Variants in SLC39A12 observed in about 807,000 individuals in gnomAD.
SLC39A12 encodes solute carrier family 39 member 12, also known as zinc transporter ZIP12.
A neutral mutation model predicts 71.1 loss-of-function variants in SLC39A12; 63 were observed. That is an observed-to-expected ratio of 0.89 (90% CI 0.72 to 1.09). SLC39A12 has a LOEUF of 1.09. Among genes scored for constraint, SLC39A12 ranks in the 50% least tolerant of loss-of-function variants. The pLI, the probability that SLC39A12 is intolerant of heterozygous loss-of-function variation, is 0.00. For synonymous variants in SLC39A12, 351 were observed against 301.3 expected, an observed-to-expected ratio of 1.16 and a Z score of -1.71; for missense variants, 892 against 812.6, an observed-to-expected ratio of 1.10 and a Z score of -1.19.
rs146209662 is a variant in SLC39A12 at position 17,983,579 on chromosome 10, C to T, written c.1096+2096C>T. ...TGGGCAGCTCACGAGGTCAGGAGTT[C>T]GAGACCAGCCTGGCCAACATGGTAA... is the stretch of plus-strand genomic sequence containing the variant. On this transcript the variant is annotated intron_variant, in intron 6 of 12. Transcript: ENST00000377369. 5.9e-3 allele frequency among the ~76,000 whole-genome samples: 900 copies of T among 152,130 alleles called. 8 individuals carry two copies. The highest frequency in any genetic ancestry group is 0.021 in the African/African-American group (852 of 41,502).
At chr10:17,975,150 C>T (rs927181508) in intron 4 of SLC39A12, among the ~76,000 whole-genome samples, 1 of 152,116 alleles carries the variant, frequency 6.6e-6, no homozygotes, top group African/African-American at 2.4e-5. Flanking sequence ...TAGGACTCAC[C>T]CTTCAGGTCA....
chr10:17,991,602 C>A (rs923924276), intron 8 of SLC39A12, among the ~76,000 whole-genome samples: 1 of 152,136 alleles, frequency 6.6e-6, no homozygotes, highest in African/African-American at 2.4e-5. Context: ...TACTAATCAG[C>A]GTTTTGGATA....
At chr10:18,001,440 G>T (rs1835831516) in intron 11 of SLC39A12, among the ~76,000 whole-genome samples, 1 of 152,192 alleles carries the variant, frequency 6.6e-6, no homozygotes, top group Non-Finnish European at 1.5e-5. Flanking sequence ...CTTGAACCCA[G>T]GAGGTGGAGG....
chr10:18,016,555 A>T (rs1315039085), intron 12 of SLC39A12, among the ~76,000 whole-genome samples: 3 of 152,184 alleles, frequency 2.0e-5, no homozygotes, highest in Non-Finnish European at 4.4e-5. Flanking sequence ...CTGTTGAGGA[A>T]ATGCCAAGAA....
At position 17,965,652 on chromosome 10, in the gene SLC39A12, T is replaced by C. The variant is rs143175693; in HGVS notation, c.713T>C (p.Phe238Ser). ...CCAGACTACTTTACAGAATATATTTTCAGTTCCTTGAATCGTACGAATACC... is the reference window on the plus strand; with the variant it reads ...CCAGACTACTTTACAGAATATATTTCCAGTTCCTTGAATCGTACGAATACC... ...PSPDYFTEYI[F>S]SSLNRTNTLR... Residue 238 changes from phenylalanine (F) to serine (S), a missense_variant, in exon 4 of 13, where the codon TTC becomes TCC. Phe to Ser is a radical substitution (Grantham distance 155). Coordinates refer to ENST00000377369, the MANE Select transcript of SLC39A12 (RefSeq NM_001145195.2). 40 of 1,614,030 alleles carry C rather than the reference T, an allele frequency of 2.5e-5. No individual in the cohort carries two copies. The highest frequency in any genetic ancestry group is 3.3e-5 in the Non-Finnish European group (39 of 1,180,026).
At chr10:18,014,281 C>T in intron 12 of SLC39A12, among the ~76,000 whole-genome samples, 1 of 151,912 alleles carries the variant, frequency 6.6e-6, no homozygotes, top group East Asian at 1.9e-4. Flanking sequence ...ATAAATGCAA[C>T]TAATTTTGTG....
At chr10:18,034,719 G>T (rs1246719089) in intron 12 of SLC39A12, among the ~76,000 whole-genome samples, 1 of 151,644 alleles carries the variant, frequency 6.6e-6, no homozygotes, top group Non-Finnish European at 1.5e-5. Context: ...TTGCTTGTCA[G>T]TTGATGCAGT....
intron 12 of SLC39A12, among the ~76,000 whole-genome samples, chr10:18,023,694 T>A (rs191444243): frequency 1.5e-4 from 23 of 152,258 alleles, no homozygotes; most frequent in Middle Eastern, 3.4e-3. Flanking sequence ...GTCAGCAAAG[T>A]GATCAGGGTC....
At chr10:17,972,202 T>C (rs1022644010) in intron 4 of SLC39A12, among the ~76,000 whole-genome samples, 1 of 152,352 alleles carries the variant, frequency 6.6e-6, no homozygotes, top group East Asian at 1.9e-4. Context: ...AGATGCTTGA[T>C]GTTATTTCAA....
At chr10:18,041,533 T>TAC (rs1331897777) in intron 12 of SLC39A12, among the ~76,000 whole-genome samples, 1 of 69,874 alleles carries the variant, frequency 1.4e-5, no homozygotes, top group African/African-American at 7.5e-5. Context: ...TATGTATATA[T>TAC]ATACACACAC....
intron 11 of SLC39A12, among the ~76,000 whole-genome samples, chr10:18,001,139 G>T (rs1835822191): frequency 6.6e-6 from 1 of 152,156 alleles, no homozygotes; most frequent in Non-Finnish European, 1.5e-5. Flanking sequence ...TTTAAAATCT[G>T]CATATTAAAT....
chr10:18,035,901 C>T (rs1193705494), intron 12 of SLC39A12, among the ~76,000 whole-genome samples: 1 of 152,032 alleles, frequency 6.6e-6, no homozygotes, highest in Non-Finnish European at 1.5e-5. Flanking sequence ...GTTGGAATAC[C>T]CTGCCGTGTG....
Position 18,040,091 on chromosome 10 carries a change from T to C in SLC39A12, c.1948-2614T>C, listed in dbSNP as rs564441795. Among the ~76,000 whole-genome samples the C allele has an allele frequency of 2.6e-5, 4 of 152,322 alleles. No individual in the cohort carries two copies. The South Asian group carries it at 8.3e-4, about 32-fold the overall frequency. On this transcript the variant is annotated intron_variant, in intron 12 of 12. Transcript: ENST00000377369. ...TGTAATTTAAAACATATACGTAATA[T>C]ATAAAACATGAAATCAGATGTTTCA...
At chr10:17,964,433 G>A (rs116499486) in intron 3 of SLC39A12, among the ~76,000 whole-genome samples, 2,080 of 152,204 alleles carry the variant, frequency 0.014, 37 homozygotes, top group African/African-American at 0.044. Context: ...ATGCAACCTT[G>A]ACACGATAAC....
Position 17,965,666 on chromosome 10 carries a change from C to G in SLC39A12, c.727C>G (p.Arg243Gly). 2 of 1,613,828 alleles carry G rather than the reference C, an allele frequency of 1.2e-6. No homozygotes were observed. The highest frequency in any genetic ancestry group is 1.7e-6 in the Non-Finnish European group (2 of 1,179,782). Reference protein sequence around the residue: ...FTEYIFSSLNRTNTLRLSELD... With the variant: ...FTEYIFSSLNGTNTLRLSELD... ...AGAATATATTTTCAGTTCCTTGAAT[C>G]GTACGAATACCCTCCGCCTATCAGG... Residue 243 changes from arginine (R) to glycine (G), a missense_variant, in exon 4 of 13, where the codon CGT becomes GGT. By Grantham distance (125) the Arg-to-Gly change is moderately radical. Coordinates refer to ENST00000377369, the MANE Select transcript of SLC39A12 (RefSeq NM_001145195.2).
intron 12 of SLC39A12, among the ~76,000 whole-genome samples, chr10:18,024,088 T>C (rs1003011380): frequency 2.0e-5 from 3 of 152,082 alleles, no homozygotes; most frequent in Non-Finnish European, 4.4e-5. Flanking sequence ...GCAGAGTGGC[T>C]ACTGGCCCTA....
At chr10:17,953,579 A>G in intron 2 of SLC39A12, 42 bp downstream of exon 2, 1 of 1,597,244 alleles carries the variant, frequency 6.3e-7, no homozygotes, top group South Asian at 1.1e-5. Context: ...GGCATGTCCA[A>G]AAGAAAGCAA....
At chr10:18,013,373 A>ATTATTATTG (rs1041367578) in intron 12 of SLC39A12, among the ~76,000 whole-genome samples, 1 of 145,892 alleles carries the variant, frequency 6.9e-6, no homozygotes, top group Non-Finnish European at 1.5e-5. Flanking sequence ...TATTATTATT[A>ATTATTATTG]TTATTATTAT....
At chr10:18,010,982 T>C (rs1278393130) in intron 12 of SLC39A12, among the ~76,000 whole-genome samples, 1 of 152,208 alleles carries the variant, frequency 6.6e-6, no homozygotes, top group Non-Finnish European at 1.5e-5. Context: ...CTCTTTATGA[T>C]TTTATTTTCT....
Sources: gnomAD v4.1 joint callset for allele counts (sites outside exome capture counted in the v4.1 genomes callset) on GRCh38, gnomAD v4.1.1 for gene constraint, MANE v1.5 for transcripts, NCBI Gene and HGNC (gene_info 2026-07-23, HGNC 2026-07-21) for gene names.